AGAP1: variants seen among roughly 807,000 people sequenced by gnomAD.
The protein encoded by AGAP1 is ArfGAP with GTPase domain, ankyrin repeat and PH domain 1.
A neutral mutation model predicts 105.3 loss-of-function variants in AGAP1; 29 were observed. The ratio of observed to expected loss-of-function variants is 0.28; its 90% confidence interval spans 0.21 to 0.38. The LOEUF (loss-of-function observed/expected upper bound fraction) is 0.38, where lower values mean the gene tolerates loss of function less well. AGAP1 is among the 10% of genes least tolerant of loss of function. The pLI is 1.00. For missense variants in AGAP1, 998 were observed against 1,165.1 expected, an observed-to-expected ratio of 0.86 and a Z score of 2.09; for synonymous variants, 509 against 485.9, an observed-to-expected ratio of 1.05 and a Z score of -0.63.
chr2:235,766,829 C>G (rs1319436876), intron 6 of AGAP1, among the ~76,000 whole-genome samples: 1 of 151,748 alleles, frequency 6.6e-6, no homozygotes, highest in African/African-American at 2.4e-5. Flanking sequence ...GCTACCTCCA[C>G]TTCCTGGGTT....
Position 236,049,090 on chromosome 2 carries a change from C to T in AGAP1, c.1923C>T (p.Ala641=), listed in dbSNP as rs534319108. 8.7e-6 allele frequency: 14 copies of T among 1,614,118 alleles called. No individual in the cohort carries two copies. In the African/African-American group the frequency reaches 1.7e-4, roughly 20 times the overall value. ...ACTGGGCCAGTTTGAACTTGGGAGCCCTCATGTGCATCGAATGCTCAGGGA... is the reference window on the plus strand; with the variant it reads ...ACTGGGCCAGTTTGAACTTGGGAGCTCTCATGTGCATCGAATGCTCAGGGA... ...NPNWASLNLG[A]LMCIECSGIH... Residue 641 remains alanine (A), a synonymous_variant, in exon 16 of 18, where the codon GCC becomes GCT. Transcript: ENST00000304032.
At position 235,728,880 on chromosome 2, in the gene AGAP1, G is replaced by T. The variant is rs115357934; in HGVS notation, c.310+11236G>T. 6.6e-3 allele frequency among the ~76,000 whole-genome samples: 998 copies of T among 152,272 alleles called. 18 individuals carry two copies. The highest frequency in any genetic ancestry group is 0.023 in the African/African-American group (960 of 41,544). On this transcript the variant is annotated intron_variant, in intron 3 of 17. Transcript: ENST00000304032. This position sits in a 1 kb window ranked among gnomAD's most constrained non-coding sequence, Gnocchi z 4.3. Reference sequence around the variant, plus strand: ...GGTTTAGGTTGGATGAAGAAGGGAGGTTTGGAGCCTGGACGAGAGCAGGGG... The same window carrying T: ...GGTTTAGGTTGGATGAAGAAGGGAGTTTTGGAGCCTGGACGAGAGCAGGGG...
chr2:235,876,563 G>T (rs4663623), intron 9 of AGAP1, among the ~76,000 whole-genome samples: 58,623 of 152,028 alleles, frequency 0.39, 12,502 homozygotes, highest in South Asian at 0.64. Flanking sequence ...CAGCCCCCCA[G>T]TGCTGTGTGG....
intron 13 of AGAP1, among the ~76,000 whole-genome samples, chr2:235,990,540 C>T (rs1039979582): frequency 2.0e-5 from 3 of 152,256 alleles, no homozygotes; most frequent in Admixed American, 6.5e-5. Context: ...CTACACATGA[C>T]CTCTGCAAGT....
intron 13 of AGAP1, among the ~76,000 whole-genome samples, chr2:236,023,088 T>G (rs1376079028): frequency 6.6e-6 from 1 of 152,124 alleles, no homozygotes; most frequent in Non-Finnish European, 1.5e-5. Flanking sequence ...TGCCACACAT[T>G]GCCTCTTAGG....
chr2:235,712,205 A>G lies in AGAP1; in HGVS notation c.222+2968A>G, dbSNP rs1250630841. 6.6e-6 allele frequency among the ~76,000 whole-genome samples: 1 copy of G among 152,122 alleles called. No individual in the cohort carries two copies. The highest frequency in any genetic ancestry group is 2.4e-5 in the African/African-American group (1 of 41,426). ...ATCTGGCTAATTTTTTATTTTTAGTAGACAAGATTTTACCATGTTGGCCAG... is the reference window on the plus strand; with the variant it reads ...ATCTGGCTAATTTTTTATTTTTAGTGGACAAGATTTTACCATGTTGGCCAG... On this transcript the variant is annotated intron_variant, in intron 2 of 17. Transcript: ENST00000304032. The surrounding 1 kb of genome is among the most constrained non-coding windows in gnomAD (Gnocchi z 6.0).
chr2:235,742,986 G>A (rs1952679018), intron 4 of AGAP1, among the ~76,000 whole-genome samples: 1 of 152,272 alleles, frequency 6.6e-6, no homozygotes, highest in African/African-American at 2.4e-5. Context: ...GGCCAACATG[G>A]TGAAACCCCA....
chr2:236,088,150 C>T (rs903305369), intron 16 of AGAP1, among the ~76,000 whole-genome samples: 3 of 152,212 alleles, frequency 2.0e-5, no homozygotes, highest in African/African-American at 7.2e-5. Flanking sequence ...GACACCTAGG[C>T]ACATCCCCGT....
At chr2:235,538,636 T>C (rs1037931937) in intron 1 of AGAP1, among the ~76,000 whole-genome samples, 22 of 152,098 alleles carry the variant, frequency 1.4e-4, no homozygotes, top group African/African-American at 5.3e-4. Flanking sequence ...CCACGGAGAC[T>C]GCTTACCCTC....
rs1340540075 is a variant in AGAP1, at chr2:236,042,921, C to G, written c.1891+2080C>G. The stretch of plus-strand genomic sequence containing the variant: ...ATGCGCTGTCTTTTCATTCTGCAAC[C>G]CTAGTAGTTGGTGCCCCTGTGGGCC... On this transcript the variant is annotated intron_variant, in intron 15 of 17. Transcript: ENST00000304032. This position sits in a 1 kb window ranked among gnomAD's most constrained non-coding sequence, Gnocchi z 5.6. 6.6e-6 allele frequency among the ~76,000 whole-genome samples: 1 copy of G among 152,224 alleles called. No individual in the cohort carries two copies. The highest frequency in any genetic ancestry group is 1.5e-5 in the Non-Finnish European group (1 of 68,036).
At chr2:235,695,766 C>A (rs369479130) in intron 1 of AGAP1, among the ~76,000 whole-genome samples, 1 of 152,134 alleles carries the variant, frequency 6.6e-6, no homozygotes, top group Non-Finnish European at 1.5e-5. Flanking sequence ...AGAAACCATG[C>A]GTATTCACAG....
At position 235,727,313 on chromosome 2, in the gene AGAP1, G is replaced by C. The variant is rs190191086; in HGVS notation, c.310+9669G>C. Among the ~76,000 whole-genome samples the C allele has an allele frequency of 1.8e-3, 267 of 151,816 alleles. 3 individuals are homozygous for C. The East Asian group carries it at 0.021, about 12-fold the overall frequency. On this transcript the variant is annotated intron_variant, in intron 3 of 17. Transcript: ENST00000304032. ...AACCCTGTGTCTTCAGGGTTTGTCCGTTTTAAACATTTTAGCCAGGGTGGG... is the reference window on the plus strand; with the variant it reads ...AACCCTGTGTCTTCAGGGTTTGTCCCTTTTAAACATTTTAGCCAGGGTGGG...
intron 9 of AGAP1, among the ~76,000 whole-genome samples, chr2:235,821,399 T>TTTTTTTTTTTC (rs1958778653): frequency 6.6e-6 from 1 of 151,412 alleles, no homozygotes; most frequent in African/African-American, 2.4e-5. Flanking sequence ...TTTTTTTTTT[T>TTTTTTTTTTTC]TTGAGACGGG....
rs563700192 is a variant in AGAP1, at chr2:236,002,134, C to T, written c.1645+33511C>T. On this transcript the variant is annotated intron_variant, in intron 13 of 17. Transcript: ENST00000304032. The surrounding 1 kb of genome is among the most constrained non-coding windows in gnomAD (Gnocchi z 4.3). ...ACATGCCAGGAAGAGCTGGCTTCCC[C>T]GCACAAGCAGTGCTACCAAGGGTCC... Among the ~76,000 whole-genome samples the T allele has an allele frequency of 4.6e-5, 7 of 152,284 alleles. No individual in the cohort carries two copies. In the South Asian group the frequency reaches 1.2e-3, roughly 27 times the overall value.
rs2057384087 is a variant in AGAP1, at chr2:236,036,436, T to A, written c.1646-125T>A. ...AATCTCCGCCGCCGTGGTTGTCCAG[T>A]GCCGTGCGCCTCACCGGTCCATGCA... is the stretch of plus-strand genomic sequence containing the variant. On this transcript the variant is annotated intron_variant, in intron 13 of 17. Transcript: ENST00000304032. This position sits in a 1 kb window ranked among gnomAD's most constrained non-coding sequence, Gnocchi z 5.7. The A allele has an allele frequency of 2.3e-6, 3 of 1,281,948 alleles. No homozygotes were observed. Among genetic ancestry groups the A allele is most frequent in the Non-Finnish European group, 3.2e-6 (3 of 925,888 alleles). The allele number at this position is 1,281,948 out of a possible 1,614,324, so 79.4% of individuals were successfully genotyped here.
chr2:235,746,591 G>C (rs1438710053), intron 5 of AGAP1, among the ~76,000 whole-genome samples: 1 of 151,702 alleles, frequency 6.6e-6, no homozygotes, highest in Non-Finnish European at 1.5e-5. Context: ...CCGTATTTGA[G>C]GTGGCATCTT....
At chr2:235,683,073 G>A (rs1295619697) in intron 1 of AGAP1, among the ~76,000 whole-genome samples, 3 of 152,128 alleles carry the variant, frequency 2.0e-5, no homozygotes, top group African/African-American at 7.2e-5. Flanking sequence ...TTGGGAGGCC[G>A]AGGTGGGCAG....
Position 235,754,574 on chromosome 2 carries a change from A to G in AGAP1, c.673+4086A>G, listed in dbSNP as rs1175542928. On this transcript the variant is annotated intron_variant, in intron 6 of 17. Coordinates refer to ENST00000304032, the MANE Select transcript of AGAP1 (RefSeq NM_001037131.3). This position sits in a 1 kb window ranked among gnomAD's most constrained non-coding sequence, Gnocchi z 4.6. ...TCTTAGTGTCTTGTAACAAAAGGAC[A>G]TTGTAAAAATGAATGGAGAAACCTT... is the stretch of plus-strand genomic sequence containing the variant. Among the ~76,000 whole-genome samples the G allele has an allele frequency of 6.6e-6, 1 of 152,180 alleles. No homozygotes were observed. Among genetic ancestry groups the G allele is most frequent in the African/African-American group, 2.4e-5 (1 of 41,448 alleles).
At chr2:236,047,542 G>T (rs532447058) in intron 15 of AGAP1, among the ~76,000 whole-genome samples, 1 of 147,478 alleles carries the variant, frequency 6.8e-6, no homozygotes, top group East Asian at 2.0e-4. Context: ...TGATGCATAG[G>T]TTTCCCCTTC....
Sources: allele counts gnomAD v4.1 joint callset (sites outside exome capture counted in the v4.1 genomes callset), GRCh38; gene constraint gnomAD v4.1.1; non-coding constraint Gnocchi (gnomAD v3.1); transcripts MANE v1.5; gene names NCBI Gene and HGNC (gene_info 2026-07-23, HGNC 2026-07-21).